Variants in PBX4 observed in about 807,000 individuals in gnomAD.
PBX4 encodes PBX homeobox 4, also known as pre-B-cell leukemia transcription factor 4.
Under a neutral mutation model 35.1 loss-of-function variants are expected in PBX4, and 26 were observed. The ratio of observed to expected loss-of-function variants is 0.74; its 90% CI spans 0.54 to 1.03. PBX4 has a LOEUF of 1.03. PBX4 is among the 50% of genes least tolerant of loss of function. The pLI, the probability that PBX4 is intolerant of heterozygous loss-of-function variation, is 0.00. For missense variants in PBX4, 448 were observed against 504.3 expected (o/e 0.89, Z 1.07); for synonymous variants, 199 against 204.2 (o/e 0.97, Z 0.22).
intron 2 of PBX4, among the ~76,000 whole-genome samples, chr19:19,573,757 T>C (rs2061402033): frequency 6.6e-6 from 1 of 151,622 alleles, no homozygotes; most frequent in South Asian, 2.1e-4. Flanking sequence ...TGAGATGGAG[T>C]CTTGCTCTGT....
intron 2 of PBX4, among the ~76,000 whole-genome samples, chr19:19,584,400 G>A (rs191455660): frequency 2.6e-5 from 4 of 152,218 alleles, no homozygotes; most frequent in East Asian, 3.9e-4. Flanking sequence ...GTCCCTCCTC[G>A]GCTCAGACCA....
intron 2 of PBX4, 139 bp from the exon 3 acceptor site, chr19:19,570,972 C>G: frequency 8.8e-7 from 1 of 1,131,696 alleles, no homozygotes; most frequent in Non-Finnish European, 1.3e-6. Flanking sequence ...CACTTTATCA[C>G]CAAATTGGAT....
chr19:19,616,592 C>T (rs2061690324), intron 1 of PBX4, among the ~76,000 whole-genome samples: 2 of 152,132 alleles, frequency 1.3e-5, no homozygotes, highest in South Asian at 2.1e-4. Context: ...GCAGGGATTA[C>T]AGGTGTCAGC....
intron 1 of PBX4, among the ~76,000 whole-genome samples, chr19:19,604,933 G>A (rs2061620895): frequency 6.6e-6 from 1 of 151,920 alleles, no homozygotes; most frequent in Non-Finnish European, 1.5e-5. Flanking sequence ...TACAGTCATT[G>A]ATCACACGAG....
At chr19:19,601,027 G>A (rs2061594276) in intron 1 of PBX4, among the ~76,000 whole-genome samples, 1 of 152,102 alleles carries the variant, frequency 6.6e-6, no homozygotes, top group Non-Finnish European at 1.5e-5. Context: ...GACACAGACA[G>A]GTAAGGTTTT....
chr19:19,614,499 G>A (rs913816126), intron 1 of PBX4, among the ~76,000 whole-genome samples: 1 of 151,834 alleles, frequency 6.6e-6, no homozygotes, highest in Non-Finnish European at 1.5e-5. Context: ...GCCAGGTGTG[G>A]TGGTGCACAC....
At chr19:19,597,083 A>G (rs2061565964) in intron 2 of PBX4, among the ~76,000 whole-genome samples, 1 of 151,984 alleles carries the variant, frequency 6.6e-6, no homozygotes, top group Non-Finnish European at 1.5e-5. Flanking sequence ...GTGTGGTGGC[A>G]GGCGCCTGTA....
intron 5 of PBX4, 106 bp downstream of exon 5, chr19:19,569,342 CA>C: frequency 7.2e-7 from 1 of 1,383,752 alleles, no homozygotes; most frequent in Non-Finnish European, 9.6e-7. Flanking sequence ...TTCCAGCAGC[CA>C]TGCCTGGCCT....
chr19:19,606,572 T>G (rs1056765766), intron 1 of PBX4: 3 of 152,128 alleles, frequency 2.0e-5, no homozygotes, highest in South Asian at 2.1e-4. Context: ...CTGCTAGGCT[T>G]GCGGTGATTT....
chr19:19,578,491 C>T (rs1018349934), intron 2 of PBX4, among the ~76,000 whole-genome samples: 9 of 152,264 alleles, frequency 5.9e-5, no homozygotes, highest in East Asian at 1.9e-4. Context: ...CTCCTCAGCT[C>T]CCCCAGGGCC....
intron 1 of PBX4, among the ~76,000 whole-genome samples, chr19:19,610,514 T>G (rs1194335549): frequency 2.6e-5 from 4 of 151,754 alleles, no homozygotes; most frequent in Non-Finnish European, 5.9e-5. Context: ...CTTTGGGGAA[T>G]CCGAGGCGGG....
intron 2 of PBX4, among the ~76,000 whole-genome samples, chr19:19,596,497 T>A (rs1426614454): frequency 1.3e-5 from 2 of 152,190 alleles, no homozygotes; most frequent in African/African-American, 4.8e-5. Flanking sequence ...CACGCATCTG[T>A]AATAACCCAC....
intron 6 of PBX4, chr19:19,564,707 T>C (rs1482020414): frequency 1.7e-6 from 1 of 582,320 alleles, no homozygotes. Context: ...AGACCTTTCA[T>C]GTCTTTTCTT....
intron 3 of PBX4, 38 bp downstream of exon 3, chr19:19,570,548 A>G (rs778312528): frequency 1.2e-6 from 2 of 1,605,782 alleles, no homozygotes; most frequent in Non-Finnish European, 1.7e-6. Context: ...ACAAATGCGC[A>G]TTCACATGAC....
At chr19:19,567,649 C>CCTGGACTTA (rs1293817067) in intron 5 of PBX4, among the ~76,000 whole-genome samples, 3 of 152,164 alleles carry the variant, frequency 2.0e-5, no homozygotes, top group Non-Finnish European at 4.4e-5. Flanking sequence ...CCATAGGCTG[C>CCTGGACTTA]CTGGACTTAC....
At position 19,563,035 on chromosome 19, in the gene PBX4, TGTGCTG is replaced by T. The variant is rs1442690610; in HGVS notation, c.1032+468_1032+473del. On this transcript the variant is annotated intron_variant, in intron 7 of 7. Transcript: ENST00000251203. This position sits in a 1 kb window ranked among gnomAD's most constrained non-coding sequence, Gnocchi z 5.1. ...CACACCACACACACAGCCTCGTGCC[TGTGCTG>T]GGCACATGACACCTGGGCCTCCTCA... Among the ~76,000 whole-genome samples, 1 of 152,172 alleles carries T rather than the reference TGTGCTG, an allele frequency of 6.6e-6. No individual in the cohort carries two copies. Among genetic ancestry groups the T allele is most frequent in the Non-Finnish European group, 1.5e-5 (1 of 68,012 alleles).
intron 5 of PBX4, among the ~76,000 whole-genome samples, chr19:19,568,565 G>A (rs955515352): frequency 2.0e-5 from 3 of 147,326 alleles, no homozygotes; most frequent in Non-Finnish European, 4.5e-5. Flanking sequence ...ATCCCTCAAG[G>A]AGCTCACACT....
intron 2 of PBX4, among the ~76,000 whole-genome samples, chr19:19,591,948 C>T (rs2061530927): frequency 6.6e-6 from 1 of 152,194 alleles, no homozygotes; most frequent in African/African-American, 2.4e-5. Flanking sequence ...GCAAACCTCA[C>T]ATCCCAGGTT....
At chr19:19,604,118 CCA>C (rs2061614581) in intron 1 of PBX4, among the ~76,000 whole-genome samples, 2 of 152,052 alleles carry the variant, frequency 1.3e-5, no homozygotes, top group African/African-American at 4.8e-5. Flanking sequence ...TTATTAAAAG[CCA>C]CAGCTGAATA....
Sources: allele counts gnomAD v4.1 joint callset (sites outside exome capture counted in the v4.1 genomes callset), GRCh38; gene constraint gnomAD v4.1.1; non-coding constraint Gnocchi (gnomAD v3.1); transcripts MANE v1.5; gene names NCBI Gene and HGNC (gene_info 2026-07-23, HGNC 2026-07-21).